ADGRG4: variants seen among roughly 807,000 people sequenced by gnomAD.
ADGRG4 encodes adhesion G protein-coupled receptor G4.
In ADGRG4, 122 loss-of-function variants were observed where a neutral mutation model predicts 126.2. The ratio of observed to expected loss-of-function variants is 0.97; its 90% CI spans 0.83 to 1.12. ADGRG4 has a LOEUF of 1.12. Among genes scored for constraint, ADGRG4 ranks in the 50% most tolerant of loss-of-function variants. The probability of loss-of-function intolerance (pLI) is 0.00; values close to 1 mark genes in which losing one functional copy is unlikely to be tolerated. For missense variants in ADGRG4, 2,481 were observed against 2,251.8 expected, an observed-to-expected ratio of 1.10 and a Z score of -2.06; for synonymous variants, 943 against 838.7, an observed-to-expected ratio of 1.12 and a Z score of -2.15.
chrX:136,326,068 G>A (rs2148452984), intron 5 of ADGRG4, among the ~76,000 whole-genome samples: 1 of 112,018 alleles, frequency 8.9e-6, no homozygotes, highest in African/African-American at 3.2e-5. Context: ...ATCATGGTGG[G>A]CATAATGCAC....
intron 23 of ADGRG4, among the ~76,000 whole-genome samples, chrX:136,410,205 T>A (rs2075438055): frequency 8.9e-6 from 1 of 112,241 alleles, no homozygotes; most frequent in African/African-American, 3.2e-5. Context: ...GATCTGTGGC[T>A]AAGTAAGCAT....
Position 136,363,476 on chromosome X carries a change from G to A in ADGRG4, c.7278-1G>A. 4 of 1,155,771 alleles carry A rather than the reference G, an allele frequency of 3.5e-6. No homozygotes were observed. The highest frequency in any genetic ancestry group is 4.7e-6 in the Non-Finnish European group (4 of 844,682). On this transcript the variant is annotated splice_acceptor_variant, in intron 12 of 25. Transcript: ENST00000394143. LOFTEE classifies it high-confidence loss of function. ...AGAAAGCTCTTTCCTCTCTTTTTCA[G>A]TTCAATCAGCATCAACACGGGCAAA...
chrX:136,363,525 T>C lies in ADGRG4; in HGVS notation c.7326T>C (p.Phe2442=). ...AATCTCAGTGGGAAAAGCCAAAGTT[T>C]AAACAATGCAAATTGCTTCAAGAAC... The part of the protein sequence containing the change: ...TGKSQWEKPK[F]KQCKLLQELP... The change falls in exon 13 of 26, where the codon TTT becomes TTC. Residue 2442 remains phenylalanine (F), a synonymous_variant. Coordinates refer to ENST00000394143, the MANE Select transcript of ADGRG4 (RefSeq NM_153834.4). 1 of 1,205,641 alleles carries C rather than the reference T, an allele frequency of 8.3e-7. No homozygotes were observed. Among genetic ancestry groups the C allele is most frequent in the Non-Finnish European group, 1.1e-6 (1 of 889,766 alleles).
intron 7 of ADGRG4, 129 bp downstream of exon 7, chrX:136,351,670 A>AT: frequency 1.0e-5 from 3 of 291,668 alleles, no homozygotes; most frequent in Non-Finnish European, 1.8e-5. Flanking sequence ...ACAGCTAAGT[A>AT]GTTTTTTTTT....
Position 136,403,320 on chromosome X carries a change from G to T in ADGRG4, c.8652G>T (p.Pro2884=), listed in dbSNP as rs376207279. The T allele has an allele frequency of 3.7e-5, 44 of 1,186,946 alleles. No homozygotes were observed. Among genetic ancestry groups the T allele is most frequent in the Non-Finnish European group, 4.8e-5 (42 of 874,430 alleles). ...DLYGTLSPTT[P]FCWIKDDSIF... is the part of the protein sequence containing the mutation. Reference sequence around the variant, plus strand: ...ATGGAACTCTGAGCCCAACAACTCCGTTGTAAGTACCAGCATCTCTGTTTC... The same window carrying T: ...ATGGAACTCTGAGCCCAACAACTCCTTTGTAAGTACCAGCATCTCTGTTTC... The change falls in exon 22 of 26, where the codon CCG becomes CCT. Residue 2884 remains proline (P), a splice_region_variant and synonymous_variant. Transcript: ENST00000394143.
chrX:136,331,131 A>T (rs896203368), intron 5 of ADGRG4, among the ~76,000 whole-genome samples: 3 of 111,528 alleles, frequency 2.7e-5, no homozygotes, highest in Non-Finnish European at 1.9e-5. Flanking sequence ...ATTTCACTTA[A>T]CATAATGACT....
At chrX:136,414,371 T>G in intron 25 of ADGRG4, 44 bp downstream of exon 25, 1 of 1,060,251 alleles carries the variant, frequency 9.4e-7, no homozygotes, top group Non-Finnish European at 1.3e-6. Context: ...ATTCCAGAGA[T>G]ATTGAATTAA....
At chrX:136,304,228 A>C (rs937311522) in intron 2 of ADGRG4, 21 bp downstream of exon 2, 1 of 112,076 alleles carries the variant, frequency 8.9e-6, no homozygotes, top group South Asian at 3.8e-4. Context: ...TTTTCCTGAC[A>C]AAAGAGTTCC....
chrX:136,344,018 T>C (rs775841467), intron 5 of ADGRG4, among the ~76,000 whole-genome samples: 2 of 112,195 alleles, frequency 1.8e-5, no homozygotes, highest in Non-Finnish European at 3.8e-5. Context: ...TATAGGACTA[T>C]TCAAGTTATC....
chrX:136,407,123 A>G (rs1037801745), intron 23 of ADGRG4, among the ~76,000 whole-genome samples: 3 of 110,883 alleles, frequency 2.7e-5, no homozygotes, highest in Non-Finnish European at 5.7e-5. Flanking sequence ...TCAAGTTGGC[A>G]TTTCATTGAG....
At chrX:136,313,615 G>C (rs1407467278) in intron 4 of ADGRG4, among the ~76,000 whole-genome samples, 1 of 112,113 alleles carries the variant, frequency 8.9e-6, no homozygotes, top group South Asian at 3.7e-4. Flanking sequence ...GTTTGAGCTT[G>C]AGCATGTCAC....
chrX:136,386,107 T>C (rs1015793310), intron 15 of ADGRG4, among the ~76,000 whole-genome samples: 4 of 112,309 alleles, frequency 3.6e-5, no homozygotes, highest in Non-Finnish European at 5.6e-5. Flanking sequence ...TACCCCACCT[T>C]GTGATGTTAC....
At position 136,363,548 on chromosome X, in the gene ADGRG4, A is replaced by G; in HGVS notation, c.7349A>G (p.Glu2450Gly). ...PKFKQCKLLQ[E>G]LPDKIVDLAN... Reference sequence around the variant, plus strand: ...TTTAAACAATGCAAATTGCTTCAAGAACTTCCTGACAAGATTGTGGATCTT... The same window carrying G: ...TTTAAACAATGCAAATTGCTTCAAGGACTTCCTGACAAGATTGTGGATCTT... Residue 2450 changes from glutamate to glycine, a missense_variant, in exon 13 of 26, where the codon GAA becomes GGA. Physicochemically the swap from Glu to Gly is moderately conservative, Grantham distance 98. Coordinates refer to ENST00000394143, the MANE Select transcript of ADGRG4 (RefSeq NM_153834.4). 8.4e-7 allele frequency: 1 copy of G among 1,197,060 alleles called. No homozygotes were observed. Among genetic ancestry groups the G allele is most frequent in the Non-Finnish European group, 1.1e-6 (1 of 882,103 alleles).
At chrX:136,354,580 C>T (rs2075082236) in intron 8 of ADGRG4, among the ~76,000 whole-genome samples, 4 of 111,319 alleles carry the variant, frequency 3.6e-5, no homozygotes, top group Non-Finnish European at 5.7e-5. Flanking sequence ...TACTTCAATT[C>T]TATTCTGGTG....
chrX:136,320,561 C>T (rs930478038), intron 4 of ADGRG4, among the ~76,000 whole-genome samples: 1 of 111,559 alleles, frequency 9.0e-6, no homozygotes, highest in Admixed American at 9.6e-5. Flanking sequence ...TAGTATTGGC[C>T]TTTATATTTC....
In ADGRG4 at chrX:136,304,205, C is replaced by T. The variant is rs927184710; in HGVS notation, c.-181C>T. ...TGGAAGATACCCGTTGAAGCCCTCC[C>T]AGGTGACAATTGTTTTCCTGACAAA... On this transcript the variant is annotated splice_region_variant and 5_prime_UTR_variant, in exon 2 of 26. An upstream open reading frame in the 5' UTR gains an earlier in-frame stop. Transcript: ENST00000394143. 8.9e-6 allele frequency: 1 copy of T among 111,905 alleles called. No homozygotes were observed. The highest frequency in any genetic ancestry group is 3.2e-5 in the African/African-American group (1 of 30,833). 9.2% of individuals were successfully genotyped at this position (111,905 alleles called of 1,213,427 possible). A position where few individuals can be genotyped will look rare whatever the true frequency, so the allele number is the denominator to read the frequency against.
intron 15 of ADGRG4, among the ~76,000 whole-genome samples, chrX:136,374,463 TC>T (rs1290569570): frequency 1.8e-5 from 2 of 111,332 alleles, no homozygotes; most frequent in Non-Finnish European, 1.9e-5. Flanking sequence ...GGAGTCTCAC[TC>T]TGCTGCCCAG....
At chrX:136,405,545 C>T (rs1038219612) in intron 22 of ADGRG4, 147 bp from the exon 23 acceptor site, 17 of 366,396 alleles carry the variant, frequency 4.6e-5, no homozygotes, top group Non-Finnish European at 6.1e-5. Flanking sequence ...GCTCTGCCTC[C>T]AGTTGGTATG....
At chrX:136,377,964 G>A (rs914418475) in intron 15 of ADGRG4, among the ~76,000 whole-genome samples, 1 of 109,925 alleles carries the variant, frequency 9.1e-6, no homozygotes, top group Non-Finnish European at 1.9e-5. Context: ...GTTATTCTAA[G>A]CCTTTTGCAT....
Sources: allele counts gnomAD v4.1 joint callset (sites outside exome capture counted in the v4.1 genomes callset), GRCh38; gene constraint gnomAD v4.1.1; transcripts MANE v1.5; gene names NCBI Gene and HGNC (gene_info 2026-07-23, HGNC 2026-07-21).